UBE4A: variants seen among roughly 807,000 people sequenced by gnomAD.
UBE4A encodes ubiquitin conjugation factor E4 A.
Under a neutral mutation model 117.9 loss-of-function variants are expected in UBE4A, and 48 were observed. The observed-to-expected ratio is 0.41, with a 90% CI of 0.32 to 0.52. The LOEUF (loss-of-function observed/expected upper bound fraction) is 0.52, where lower values mean the gene tolerates loss of function less well. Among genes scored for constraint, UBE4A ranks in the 20% least tolerant of loss-of-function variants. The pLI, the probability that UBE4A is intolerant of heterozygous loss-of-function variation, is 0.33. For synonymous variants in UBE4A, 407 were observed against 450.0 expected (o/e 0.90, Z 1.21); for missense variants, 1,067 against 1,296.3 (o/e 0.82, Z 2.72).
chr11:118,381,265 A>T (rs45501598), intron 11 of UBE4A, 126 bp from the exon 12 acceptor site: 199,773 of 1,166,834 alleles, frequency 0.17, 22,753 homozygotes, highest in East Asian at 0.51. Flanking sequence ...GACCATCTCT[A>T]GTACCAACAA....
chr11:118,371,091 G>C (rs959459428), intron 4 of UBE4A, among the ~76,000 whole-genome samples: 1 of 152,176 alleles, frequency 6.6e-6, no homozygotes. Flanking sequence ...CCTTGCAGGT[G>C]CCTGAGTAAC....
At chr11:118,368,547 C>A in intron 2 of UBE4A, 84 bp from the exon 3 acceptor site, 2 of 1,411,822 alleles carry the variant, frequency 1.4e-6, no homozygotes, top group Non-Finnish European at 2.0e-6. Flanking sequence ...TTATCATCTT[C>A]TTGGTTACAT....
At chr11:118,369,129 C>T (rs941855803) in intron 3 of UBE4A, among the ~76,000 whole-genome samples, 2 of 152,208 alleles carry the variant, frequency 1.3e-5, no homozygotes, top group African/African-American at 2.4e-5. Flanking sequence ...CCTTCAGAGG[C>T]ATCAGAGAGT....
chr11:118,379,836 C>T (rs1021050015), intron 11 of UBE4A, 86 bp downstream of exon 11: 4 of 1,416,414 alleles, frequency 2.8e-6, no homozygotes, highest in East Asian at 2.4e-5. Context: ...CTCAAAATAC[C>T]CTTTCTTCGT....
chr11:118,392,338 C>T (rs751157679), intron 18 of UBE4A, among the ~76,000 whole-genome samples: 19 of 152,218 alleles, frequency 1.2e-4, no homozygotes, highest in Admixed American at 2.0e-4. Flanking sequence ...GCTTTTCATA[C>T]GCAGGCTGCA....
chr11:118,366,447 C>T (rs921081400), intron 2 of UBE4A, among the ~76,000 whole-genome samples: 3 of 152,178 alleles, frequency 2.0e-5, no homozygotes, highest in Non-Finnish European at 2.9e-5. Flanking sequence ...AACGCTTGTC[C>T]TTCTGGCTAT....
At chr11:118,391,954 T>A (rs1591309476) in intron 18 of UBE4A, among the ~76,000 whole-genome samples, 1 of 151,960 alleles carries the variant, frequency 6.6e-6, no homozygotes, top group South Asian at 2.1e-4. Flanking sequence ...AAAAAAAAGA[T>A]GAGTAGTTTT....
chr11:118,394,051 T>C (rs1948845611), intron 19 of UBE4A, among the ~76,000 whole-genome samples: 1 of 152,248 alleles, frequency 6.6e-6, no homozygotes, highest in African/African-American at 2.4e-5. Flanking sequence ...AAGACAGGAA[T>C]GAAGCAATAA....
At chr11:118,386,925 C>T (rs1264441430) in intron 16 of UBE4A, among the ~76,000 whole-genome samples, 2 of 152,122 alleles carry the variant, frequency 1.3e-5, no homozygotes, top group African/African-American at 2.4e-5. Context: ...GTTTGTTAAT[C>T]TGAGAAATAC....
intron 16 of UBE4A, among the ~76,000 whole-genome samples, chr11:118,387,144 TATC>T (rs1334909587): frequency 6.6e-6 from 1 of 151,026 alleles, no homozygotes; most frequent in East Asian, 1.9e-4. Context: ...ATACTGAAAT[TATC>T]ATTTTTAATG....
At chr11:118,391,026 C>CA (rs1410957513) in intron 18 of UBE4A, among the ~76,000 whole-genome samples, 24 of 151,440 alleles carry the variant, frequency 1.6e-4, no homozygotes, top group Non-Finnish European at 3.1e-4. Flanking sequence ...AAAATCCATG[C>CA]AAAAAAAATC....
intron 4 of UBE4A, among the ~76,000 whole-genome samples, 156 bp downstream of exon 4, chr11:118,369,691 A>C (rs1332449355): frequency 7.1e-6 from 1 of 141,536 alleles, no homozygotes; most frequent in Non-Finnish European, 1.5e-5. Context: ...AGTAACCTGG[A>C]TGTGCATCTC....
intron 17 of UBE4A, among the ~76,000 whole-genome samples, chr11:118,390,203 G>A (rs1555128027): frequency 6.6e-6 from 1 of 151,716 alleles, no homozygotes; most frequent in Non-Finnish European, 1.5e-5. Flanking sequence ...GTAAGATTTT[G>A]TGTGACCCAT....
chr11:118,372,728 T>A, intron 6 of UBE4A, 62 bp downstream of exon 6: 1 of 1,601,254 alleles, frequency 6.2e-7, no homozygotes, highest in Non-Finnish European at 8.5e-7. Context: ...AAAATTTCAC[T>A]AATTGCATTA....
chr11:118,381,302 A>G, intron 11 of UBE4A, 89 bp from the exon 12 acceptor site: 1 of 1,495,244 alleles, frequency 6.7e-7, no homozygotes, highest in East Asian at 2.3e-5. Flanking sequence ...TTTAACCTTC[A>G]TTAAGTAGGG....
chr11:118,371,805 C>A, intron 5 of UBE4A, 139 bp downstream of exon 5: 1 of 878,202 alleles, frequency 1.1e-6, no homozygotes, highest in Non-Finnish European at 1.6e-6. Flanking sequence ...GACACTAAAG[C>A]TTTTATATCA....
At chr11:118,394,720 G>T (rs1378429099) in intron 19 of UBE4A, among the ~76,000 whole-genome samples, 3 of 150,876 alleles carry the variant, frequency 2.0e-5, no homozygotes, top group Non-Finnish European at 2.9e-5. Context: ...GTTGCAGTGA[G>T]CCAAGATCAC....
intron 1 of UBE4A, among the ~76,000 whole-genome samples, chr11:118,364,080 C>T (rs1306722786): frequency 6.6e-6 from 1 of 152,026 alleles, no homozygotes; most frequent in Admixed American, 6.5e-5. Flanking sequence ...ACATTCATAC[C>T]CTTTGTCTCT....
At chr11:118,378,271 AG>A (rs60828084) in intron 10 of UBE4A, among the ~76,000 whole-genome samples, 25,219 of 150,964 alleles carry the variant, frequency 0.17, 2,547 homozygotes, top group East Asian at 0.5. Context: ...ATTAAAAAAA[AG>A]AAAAAGACCA....
Sources: allele counts gnomAD v4.1 joint callset (sites outside exome capture counted in the v4.1 genomes callset), GRCh38; gene constraint gnomAD v4.1.1; transcripts MANE v1.5; gene names NCBI Gene and HGNC (gene_info 2026-07-23, HGNC 2026-07-21).